CAST: variants seen among roughly 807,000 people sequenced by gnomAD.
CAST encodes MIR583 host.
Under a neutral mutation model 119.6 loss-of-function variants are expected in CAST, and 76 were observed. The ratio of observed to expected loss-of-function variants is 0.64; its 90% CI spans 0.53 to 0.77. The LOEUF is 0.77. Among genes scored for constraint, CAST ranks in the 30% least tolerant of loss-of-function variants. The pLI, the probability that CAST is intolerant of heterozygous loss-of-function variation, is 0.00. For synonymous variants in CAST, 319 were observed against 331.6 expected, an observed-to-expected ratio of 0.96 and a Z score of 0.41; for missense variants, 953 against 946.5, an observed-to-expected ratio of 1.01 and a Z score of -0.09.
chr5:96,719,085 T>G (rs1019687209), intron 3 of CAST, among the ~76,000 whole-genome samples: 1 of 152,040 alleles, frequency 6.6e-6, no homozygotes, highest in African/African-American at 2.4e-5. Flanking sequence ...GCTGAGGGAA[T>G]GATTGTTCCA....
At chr5:96,275,413 T>C in the CAST span, among the ~76,000 whole-genome samples, 1 of 152,236 alleles carries the variant, frequency 6.6e-6, no homozygotes, top group East Asian at 1.9e-4. Flanking sequence ...TTCTTCAATG[T>C]TCAGGTCCAA....
At chr5:96,106,002 G>T in the CAST span, among the ~76,000 whole-genome samples, 8 of 152,146 alleles carry the variant, frequency 5.3e-5, no homozygotes, top group Admixed American at 5.2e-4. Context: ...ATTTCTTCTA[G>T]ATTTTGTAGT....
At chr5:96,257,059 C>T in the CAST span, among the ~76,000 whole-genome samples, 42 of 152,294 alleles carry the variant, frequency 2.8e-4, no homozygotes, top group African/African-American at 7.7e-4. Flanking sequence ...AAGGAGATAA[C>T]GCAGCAGCAT....
At chr5:96,641,834 A>C (rs1747954936) in intron 1 of CAST, among the ~76,000 whole-genome samples, 1 of 152,180 alleles carries the variant, frequency 6.6e-6, no homozygotes, top group Non-Finnish European at 1.5e-5. Flanking sequence ...AGCTCCCTCT[A>C]ACTTTGCCCA....
At chr5:96,409,436 A>G in the CAST span, among the ~76,000 whole-genome samples, 4 of 152,230 alleles carry the variant, frequency 2.6e-5, no homozygotes, top group African/African-American at 9.6e-5. Flanking sequence ...CCCAGAGATG[A>G]CTATGCTGAG....
chr5:96,587,245 C>G (rs189251064), intron 1 of CAST, among the ~76,000 whole-genome samples: 1 of 152,188 alleles, frequency 6.6e-6, no homozygotes, highest in Non-Finnish European at 1.5e-5. Context: ...CCATTACAGC[C>G]GCTCAGACCT....
the CAST span, among the ~76,000 whole-genome samples, chr5:96,151,948 G>A: frequency 2.0e-5 from 3 of 152,264 alleles, no homozygotes; most frequent in South Asian, 4.1e-4. Flanking sequence ...TCTTTGATGA[G>A]TATTGTCATG....
At chr5:96,099,918 T>C in the CAST span, among the ~76,000 whole-genome samples, 2 of 152,240 alleles carry the variant, frequency 1.3e-5, no homozygotes, top group Non-Finnish European at 2.9e-5. Context: ...AACTCTTCTA[T>C]GTATATCTGG....
At chr5:96,293,598 G>A in the CAST span, among the ~76,000 whole-genome samples, 1 of 151,534 alleles carries the variant, frequency 6.6e-6, no homozygotes, top group Non-Finnish European at 1.5e-5. Flanking sequence ...TGTGTTGTGA[G>A]TTCATTAATC....
chr5:96,395,532 C>G, the CAST span, among the ~76,000 whole-genome samples: 6 of 152,102 alleles, frequency 3.9e-5, no homozygotes, highest in African/African-American at 1.4e-4. Flanking sequence ...CTCAGCAAAC[C>G]AACACAGGAA....
chr5:96,108,782 C>T, the CAST span, among the ~76,000 whole-genome samples: 1 of 152,356 alleles, frequency 6.6e-6, no homozygotes, highest in Admixed American at 6.5e-5. Context: ...GCTTTGTTTA[C>T]CTAAGCAAGC....
chr5:96,606,112 A>G (rs1747248182), intron 1 of CAST, among the ~76,000 whole-genome samples: 1 of 152,118 alleles, frequency 6.6e-6, no homozygotes, highest in African/African-American at 2.4e-5. Flanking sequence ...ACAGGTACCC[A>G]CAAAGTGGTG....
the CAST span, among the ~76,000 whole-genome samples, chr5:96,087,610 G>T: frequency 6.6e-6 from 1 of 152,160 alleles, no homozygotes; most frequent in Non-Finnish European, 1.5e-5. Flanking sequence ...TTCTCTGGAT[G>T]ACAGAGTAAT....
At chr5:96,763,120 C>G (rs1407363867) in intron 25 of CAST, 2 of 778,936 alleles carry the variant, frequency 2.6e-6, no homozygotes, top group South Asian at 1.3e-5. Context: ...GTAACTTTAG[C>G]GAAGTCAGCT....
the CAST span, among the ~76,000 whole-genome samples, chr5:96,250,805 A>G: frequency 6.6e-6 from 1 of 152,168 alleles, no homozygotes; most frequent in Non-Finnish European, 1.5e-5. Flanking sequence ...CCTGAAGAGT[A>G]GAATAGGACT....
At chr5:96,472,223 A>G in the CAST span, among the ~76,000 whole-genome samples, 2 of 152,152 alleles carry the variant, frequency 1.3e-5, no homozygotes, top group African/African-American at 4.8e-5. Flanking sequence ...GATAAGATAC[A>G]CACAATTGTG....
At chr5:96,235,593 T>C in the CAST span, among the ~76,000 whole-genome samples, 1 of 152,194 alleles carries the variant, frequency 6.6e-6, no homozygotes, top group Non-Finnish European at 1.5e-5. Context: ...ATCTCCCCAC[T>C]AGAAGTTGTG....
the CAST span, among the ~76,000 whole-genome samples, chr5:96,331,576 AT>A: frequency 6.6e-6 from 1 of 152,238 alleles, no homozygotes; most frequent in African/African-American, 2.4e-5. Flanking sequence ...CTCATGCTGT[AT>A]TGCAGTTTAT....
At chr5:96,536,120 G>A (rs1019589723) in intron 1 of CAST, among the ~76,000 whole-genome samples, 1 of 148,244 alleles carries the variant, frequency 6.7e-6, no homozygotes, top group African/African-American at 2.5e-5. Flanking sequence ...CACTTTGGGA[G>A]GCCTAGGCGG....
Sources: gnomAD v4.1 joint callset for allele counts (sites outside exome capture counted in the v4.1 genomes callset) on GRCh38, gnomAD v4.1.1 for gene constraint, MANE v1.5 for transcripts, NCBI Gene and HGNC (gene_info 2026-07-23, HGNC 2026-07-21) for gene names.